ROMO1: variants seen among roughly 807,000 people sequenced by gnomAD.
ROMO1 encodes the protein reactive oxygen species modulator 1.
Under a neutral mutation model 7.4 loss-of-function variants are expected in ROMO1, and 8 were observed. The ratio of observed to expected loss-of-function variants is 1.08; its 90% CI spans 0.63 to 1.95. ROMO1 has a LOEUF of 1.95. Ranked by LOEUF, ROMO1 falls within the 30% of genes most tolerant of loss-of-function variation. ROMO1 has a pLI of 0.00. For missense variants in ROMO1, 91 were observed against 115.9 expected (o/e 0.79, Z 0.99); for synonymous variants, 43 against 41.4 (o/e 1.04, Z -0.15).
rs1232745154 is a variant in ROMO1 at position 35,699,774 on chromosome 20, C to T, written c.131+11C>T. ...CTTTTCCTGTCTCAGGTGAGGGGCG[C>T]GGGCGGTGATCTCTGGGCAGGACAA... On this transcript the variant is annotated intron_variant, in intron 2 of 2. Coordinates refer to ENST00000374077, the MANE Select transcript of ROMO1 (RefSeq NM_080748.3). This position sits in a 1 kb window ranked among gnomAD's most constrained non-coding sequence, Gnocchi z 4.4. 3.1e-6 allele frequency: 5 copies of T among 1,603,144 alleles called. No individual in the cohort carries two copies. The highest frequency in any genetic ancestry group is 3.4e-6 in the Non-Finnish European group (4 of 1,177,992).
Position 35,699,458 on chromosome 20 carries a change from T to C in ROMO1, c.-1+2T>C. 1 of 1,195,388 alleles carries C rather than the reference T, an allele frequency of 8.4e-7. No homozygotes were observed. The highest frequency in any genetic ancestry group is 1.2e-6 in the Non-Finnish European group (1 of 867,752). 74.0% of individuals were successfully genotyped at this position (1,195,388 alleles called of 1,614,324 possible). ...GACCCAGCCCGCGAGCGAGGTGAGG[T>C]AGGCGCCGGGCGACGCGGGGCCGGA... On this transcript the variant is annotated splice_donor_variant, in intron 1 of 2. Coordinates refer to ENST00000374077, the MANE Select transcript of ROMO1 (RefSeq NM_080748.3). LOFTEE classifies it low-confidence loss of function (5UTR_SPLICE). This position sits in a 1 kb window ranked among gnomAD's most constrained non-coding sequence, Gnocchi z 4.4.
At position 35,700,820 on chromosome 20, in the gene ROMO1, C is replaced by T; in HGVS notation, c.154C>T (p.Leu52=). ...CLRIGMRGRE[L]MGGIGKTMMQ... is the part of the protein sequence containing the mutation. ...CAGGATCGGAATGCGGGGTCGAGAGCTGATGGGCGGCATTGGGAAAACCAT... is the reference window on the plus strand; with the variant it reads ...CAGGATCGGAATGCGGGGTCGAGAGTTGATGGGCGGCATTGGGAAAACCAT... The change falls in exon 3 of 3, where the codon CTG becomes TTG. Residue 52 remains leucine (L), a synonymous_variant. Transcript: ENST00000374077. The T allele has an allele frequency of 6.2e-7, 1 of 1,614,180 alleles. No homozygotes were observed. The highest frequency in any genetic ancestry group is 8.5e-7 in the Non-Finnish European group (1 of 1,180,018).
rs767198188 is a variant in ROMO1, at chr20:35,700,815, G to A, written c.149G>A (p.Arg50Gln). 4 of 1,614,030 alleles carry A rather than the reference G, an allele frequency of 2.5e-6. No homozygotes were observed. Among genetic ancestry groups the A allele is most frequent in the East Asian group, 2.2e-5 (1 of 44,900 alleles). The change falls in exon 3 of 3, where the codon CGA becomes CAA. Residue 50 changes from arginine (R) to glutamine (Q), a missense_variant. Physicochemically the swap from Arg to Gln is conservative, Grantham distance 43 (BLOSUM62 1). Coordinates refer to ENST00000374077, the MANE Select transcript of ROMO1 (RefSeq NM_080748.3). ...FSCLRIGMRG[R>Q]ELMGGIGKTM... The stretch of plus-strand genomic sequence containing the variant: ...CTCCTCAGGATCGGAATGCGGGGTC[G>A]AGAGCTGATGGGCGGCATTGGGAAA...
intron 2 of ROMO1, among the ~76,000 whole-genome samples, chr20:35,700,572 A>C (rs2035244941): frequency 6.6e-6 from 1 of 152,100 alleles, no homozygotes; most frequent in African/African-American, 2.4e-5. Flanking sequence ...CCTCCCACAA[A>C]CTGAAGGCAG....
In ROMO1 at chr20:35,699,467, GGCGACGCGGGGCCGGAAC is replaced by G; in HGVS notation, c.-1+16_-1+33del. On this transcript the variant is annotated intron_variant, in intron 1 of 2. Transcript: ENST00000374077. This position sits in a 1 kb window ranked among gnomAD's most constrained non-coding sequence, Gnocchi z 4.4. ...CGCGAGCGAGGTGAGGTAGGCGCCG[GGCGACGCGGGGCCGGAAC>G]GCGAAGAGGGTGGTGGAGTCGGGCT... The G allele has an allele frequency of 1.7e-6, 2 of 1,209,498 alleles. No homozygotes were observed. The highest frequency in any genetic ancestry group is 2.3e-6 in the Non-Finnish European group (2 of 877,150). 74.9% of individuals were successfully genotyped at this position (1,209,498 alleles called of 1,614,324 possible). A position where few individuals can be genotyped will look rare whatever the true frequency, so the allele number is the denominator to read the frequency against.
Position 35,699,524 on chromosome 20 carries a change from C to T in ROMO1, c.-1+68C>T. The T allele has an allele frequency of 6.7e-7, 1 of 1,486,506 alleles. No individual in the cohort carries two copies. The highest frequency in any genetic ancestry group is 1.2e-5 in the South Asian group (1 of 82,864). 92.1% of individuals were successfully genotyped at this position (1,486,506 alleles called of 1,614,324 possible). A position where few individuals can be genotyped will look rare whatever the true frequency, so the allele number is the denominator to read the frequency against. On this transcript the variant is annotated intron_variant, in intron 1 of 2. Transcript: ENST00000374077. This position sits in a 1 kb window ranked among gnomAD's most constrained non-coding sequence, Gnocchi z 4.4. Reference sequence around the variant, plus strand: ...TGGAGTCGGGCTACCCACTGATTTTCCTTCCCTTACTTCCCCTGAGCCCTT... The same window carrying T: ...TGGAGTCGGGCTACCCACTGATTTTTCTTCCCTTACTTCCCCTGAGCCCTT...
In ROMO1 at chr20:35,699,723, A is replaced by T; in HGVS notation, c.91A>T (p.Met31Leu). Reference protein sequence around the residue: ...MGFVMGCAVGMAAGALFGTFS... With the variant: ...MGFVMGCAVGLAAGALFGTFS... ...CTTCGTGATGGGTTGCGCCGTGGGC[A>T]TGGCGGCCGGGGCGCTCTTCGGCAC... is the stretch of plus-strand genomic sequence containing the variant. Residue 31 changes from methionine (M) to leucine (L), a missense_variant, in exon 2 of 3, where the codon ATG becomes TTG. Transcript: ENST00000374077. This position sits in a 1 kb window ranked among gnomAD's most constrained non-coding sequence, Gnocchi z 4.4. 6.2e-7 allele frequency: 1 copy of T among 1,612,946 alleles called. No individual in the cohort carries two copies. The highest frequency in any genetic ancestry group is 8.5e-7 in the Non-Finnish European group (1 of 1,179,924).
chr20:35,700,929 T>C lies in ROMO1; in HGVS notation c.*23T>C. The C allele has an allele frequency of 6.6e-7, 1 of 1,517,126 alleles. No individual in the cohort carries two copies. The highest frequency in any genetic ancestry group is 9.2e-7 in the Non-Finnish European group (1 of 1,091,320). The allele number at this position is 1,517,126 out of a possible 1,614,324, so 94.0% of individuals were successfully genotyped here. ...TAACCATGGTTGCCAACTACATCTG[T>C]CCCTTCCCATCAATCCCAGCCCATG... On this transcript the variant is annotated 3_prime_UTR_variant, in exon 3 of 3. Coordinates refer to ENST00000374077, the MANE Select transcript of ROMO1 (RefSeq NM_080748.3).
Position 35,700,863 on chromosome 20 carries a change from C to T in ROMO1, c.197C>T (p.Thr66Ile). Residue 66 changes from threonine (T) to isoleucine (I), a missense_variant, in exon 3 of 3, where the codon ACC becomes ATC. Transcript: ENST00000374077. Reference sequence around the variant, plus strand: ...AAAACCATGATGCAGAGTGGCGGCACCTTTGGCACATTCATGGCCATTGGG... The same window carrying T: ...AAAACCATGATGCAGAGTGGCGGCATCTTTGGCACATTCATGGCCATTGGG... Reference protein sequence around the residue: ...IGKTMMQSGGTFGTFMAIGMG... With the variant: ...IGKTMMQSGGIFGTFMAIGMG... The T allele has an allele frequency of 6.2e-7, 1 of 1,614,184 alleles. No homozygotes were observed. Among genetic ancestry groups the T allele is most frequent in the Non-Finnish European group, 8.5e-7 (1 of 1,180,030 alleles).
chr20:35,699,487 C>G lies in ROMO1; in HGVS notation c.-1+31C>G. On this transcript the variant is annotated intron_variant, in intron 1 of 2. Transcript: ENST00000374077. This position sits in a 1 kb window ranked among gnomAD's most constrained non-coding sequence, Gnocchi z 4.4. ...CGCCGGGCGACGCGGGGCCGGAACG[C>G]GAAGAGGGTGGTGGAGTCGGGCTAC... is the stretch of plus-strand genomic sequence containing the variant. 7.8e-7 allele frequency: 1 copy of G among 1,282,076 alleles called. No homozygotes were observed. The allele number at this position is 1,282,076 out of a possible 1,614,324, so 79.4% of individuals were successfully genotyped here.
chr20:35,700,676 G>C (rs893598636), intron 2 of ROMO1, 122 bp from the exon 3 acceptor site: 1 of 738,766 alleles, frequency 1.4e-6, no homozygotes, highest in Admixed American at 2.0e-5. Context: ...ATAATATCCA[G>C]TAAGTGGAAA....
intron 2 of ROMO1, among the ~76,000 whole-genome samples, chr20:35,700,184 C>G (rs767000769): frequency 7.2e-5 from 11 of 152,004 alleles, no homozygotes; most frequent in Non-Finnish European, 1.2e-4. Context: ...GAAAGAAACT[C>G]GTTCAGCGGT....
intron 2 of ROMO1, 88 bp from the exon 3 acceptor site, chr20:35,700,710 T>G: frequency 9.9e-7 from 1 of 1,008,012 alleles, no homozygotes. Flanking sequence ...GTTGCTAGAC[T>G]AGTGTTAGCA....
At position 35,699,907 on chromosome 20, in the gene ROMO1, C is replaced by A; in HGVS notation, c.131+144C>A. 6.3e-6 allele frequency: 7 copies of A among 1,116,402 alleles called. No homozygotes were observed. The highest frequency in any genetic ancestry group is 8.7e-6 in the Non-Finnish European group (7 of 802,348). 69.2% of individuals were successfully genotyped at this position (1,116,402 alleles called of 1,614,324 possible). On this transcript the variant is annotated intron_variant, in intron 2 of 2. Transcript: ENST00000374077. This position sits in a 1 kb window ranked among gnomAD's most constrained non-coding sequence, Gnocchi z 4.4. Reference sequence around the variant, plus strand: ...AGCCAGACTCATTCCAAACCACCTTCAATCTGTAAAGTCAGGTTGGAAGCG... The same window carrying A: ...AGCCAGACTCATTCCAAACCACCTTAAATCTGTAAAGTCAGGTTGGAAGCG...
In ROMO1 at chr20:35,699,901, C is replaced by T; in HGVS notation, c.131+138C>T. 5 of 1,143,330 alleles carry T rather than the reference C, an allele frequency of 4.4e-6. No individual in the cohort carries two copies. In the South Asian group the frequency reaches 4.7e-5, roughly 11 times the overall value. The allele number at this position is 1,143,330 out of a possible 1,614,324, so 70.8% of individuals were successfully genotyped here. ...CTCGCGAGCCAGACTCATTCCAAAC[C>T]ACCTTCAATCTGTAAAGTCAGGTTG... is the stretch of plus-strand genomic sequence containing the variant. On this transcript the variant is annotated intron_variant, in intron 2 of 2. Coordinates refer to ENST00000374077, the MANE Select transcript of ROMO1 (RefSeq NM_080748.3). The surrounding 1 kb of genome is among the most constrained non-coding windows in gnomAD (Gnocchi z 4.4).
Position 35,700,834 on chromosome 20 carries a change from T to C in ROMO1, c.168T>C (p.Ile56=), listed in dbSNP as rs61741907. The C allele has an allele frequency of 1.2e-6, 2 of 1,614,208 alleles. No homozygotes were observed. Among genetic ancestry groups the C allele is most frequent in the Non-Finnish European group, 1.7e-6 (2 of 1,180,028 alleles). ...GGGGTCGAGAGCTGATGGGCGGCATTGGGAAAACCATGATGCAGAGTGGCG... is the reference window on the plus strand; with the variant it reads ...GGGGTCGAGAGCTGATGGGCGGCATCGGGAAAACCATGATGCAGAGTGGCG... The part of the protein sequence containing the change: ...GMRGRELMGG[I]GKTMMQSGGT... Residue 56 remains isoleucine (I), a synonymous_variant, in exon 3 of 3, where the codon ATT becomes ATC. Transcript: ENST00000374077.
Position 35,699,497 on chromosome 20 carries a change from G to A in ROMO1, c.-1+41G>A. 8.3e-6 allele frequency: 11 copies of A among 1,317,894 alleles called. No homozygotes were observed. The highest frequency in any genetic ancestry group is 1.2e-5 in the Non-Finnish European group (11 of 954,046). 81.6% of individuals were successfully genotyped at this position (1,317,894 alleles called of 1,614,324 possible). A position where few individuals can be genotyped will look rare whatever the true frequency, so the allele number is the denominator to read the frequency against. On this transcript the variant is annotated intron_variant, in intron 1 of 2. Transcript: ENST00000374077. The surrounding 1 kb of genome is among the most constrained non-coding windows in gnomAD (Gnocchi z 4.4). The stretch of plus-strand genomic sequence containing the variant: ...CGCGGGGCCGGAACGCGAAGAGGGT[G>A]GTGGAGTCGGGCTACCCACTGATTT...
chr20:35,700,649 A>G, intron 2 of ROMO1, 149 bp from the exon 3 acceptor site: 1 of 664,522 alleles, frequency 1.5e-6, no homozygotes, highest in Non-Finnish European at 2.8e-6. Context: ...CTCATTACCC[A>G]CCCCAGGTAG....
At position 35,700,932 on chromosome 20, in the gene ROMO1, C is replaced by G; in HGVS notation, c.*26C>G. 3 of 1,510,374 alleles carry G rather than the reference C, an allele frequency of 2.0e-6. No homozygotes were observed. The highest frequency in any genetic ancestry group is 2.8e-6 in the Non-Finnish European group (3 of 1,085,250). 93.6% of individuals were successfully genotyped at this position (1,510,374 alleles called of 1,614,324 possible). On this transcript the variant is annotated 3_prime_UTR_variant, in exon 3 of 3. Coordinates refer to ENST00000374077, the MANE Select transcript of ROMO1 (RefSeq NM_080748.3). ...CCATGGTTGCCAACTACATCTGTCC[C>G]TTCCCATCAATCCCAGCCCATGTAC...
Sources: allele counts gnomAD v4.1 joint callset (sites outside exome capture counted in the v4.1 genomes callset), GRCh38; gene constraint gnomAD v4.1.1; non-coding constraint Gnocchi (gnomAD v3.1); transcripts MANE v1.5; gene names NCBI Gene and HGNC (gene_info 2026-07-23, HGNC 2026-07-21).